RYR2: variants seen among roughly 807,000 people sequenced by gnomAD.
The protein encoded by RYR2 is cardiac muscle ryanodine receptor-calcium release channel.
RYR2 carries 227 observed loss-of-function variants against 601.1 expected under a neutral mutation model. The ratio of observed to expected loss-of-function variants is 0.38; its 90% CI spans 0.34 to 0.42. RYR2 has a LOEUF of 0.42. RYR2 is among the 10% of genes least tolerant of loss of function. The pLI is 1.00. For missense variants in RYR2, 4,646 were observed against 6,156.5 expected (o/e 0.75, Z 8.21); for synonymous variants, 2,223 against 2,175.1 (o/e 1.02, Z -0.61).
intron 91 of RYR2, among the ~76,000 whole-genome samples, chr1:237,787,381 A>C (rs1657722895): frequency 6.6e-6 from 1 of 151,988 alleles, no homozygotes; most frequent in Non-Finnish European, 1.5e-5. Context: ...TAAGGTCAGG[A>C]GTTCAAGACC....
chr1:237,463,982 C>T (rs1659768045), intron 16 of RYR2, among the ~76,000 whole-genome samples: 1 of 152,200 alleles, frequency 6.6e-6, no homozygotes, highest in Non-Finnish European at 1.5e-5. Context: ...GCAGAAACTA[C>T]TCTTAAACTT....
intron 25 of RYR2, among the ~76,000 whole-genome samples, chr1:237,540,818 G>T (rs1309092775): frequency 6.6e-6 from 1 of 151,766 alleles, no homozygotes; most frequent in Non-Finnish European, 1.5e-5. Context: ...ATGCTGTGAA[G>T]CTACTACATG....
intron 33 of RYR2, 134 bp downstream of exon 33, chr1:237,593,770 A>C: frequency 6.4e-6 from 6 of 934,428 alleles, no homozygotes; most frequent in Non-Finnish European, 9.5e-6. Context: ...CATTAATGTC[A>C]ATGTCGTTTT....
intron 5 of RYR2, among the ~76,000 whole-genome samples, chr1:237,367,626 T>G (rs2149744367): frequency 6.6e-6 from 1 of 152,320 alleles, no homozygotes; most frequent in Non-Finnish European, 1.5e-5. Flanking sequence ...TTCTGAAAAT[T>G]TTTAAAGACC....
intron 2 of RYR2, among the ~76,000 whole-genome samples, chr1:237,323,909 C>A (rs41379346): frequency 0.032 from 4,908 of 152,182 alleles, 177 homozygotes; most frequent in African/African-American, 0.086. Context: ...AAAAGCTGAC[C>A]TGAACGAATG....
At chr1:237,680,358 G>A in intron 61 of RYR2, 98 bp from the exon 62 acceptor site, 2 of 919,692 alleles carry the variant, frequency 2.2e-6, no homozygotes, top group South Asian at 1.6e-5. Flanking sequence ...GAGACCTGTT[G>A]CATGTGAACA....
chr1:237,655,721 A>C (rs903152179), intron 52 of RYR2, 100 bp from the exon 53 acceptor site: 33 of 1,062,348 alleles, frequency 3.1e-5, no homozygotes, highest in Admixed American at 5.7e-5. Flanking sequence ...AGTCCAGGGT[A>C]ATTCAGATTT....
At chr1:237,390,964 C>T (rs930499257) in intron 10 of RYR2, among the ~76,000 whole-genome samples, 1 of 151,710 alleles carries the variant, frequency 6.6e-6, no homozygotes, top group Non-Finnish European at 1.5e-5. Flanking sequence ...GATTATGACT[C>T]GAGGGAGAAA....
At chr1:237,134,288 T>A (rs575933385) in intron 1 of RYR2, among the ~76,000 whole-genome samples, 1 of 152,120 alleles carries the variant, frequency 6.6e-6, no homozygotes, top group Admixed American at 6.5e-5. Context: ...TTATTTTTTT[T>A]AATCAGTGTA....
At chr1:237,603,022 G>T (rs1676682493) in intron 35 of RYR2, among the ~76,000 whole-genome samples, 1 of 152,130 alleles carries the variant, frequency 6.6e-6, no homozygotes, top group South Asian at 2.1e-4. Flanking sequence ...GAAGGCCCGT[G>T]GTGGGTGATG....
intron 92 of RYR2, among the ~76,000 whole-genome samples, chr1:237,790,612 A>C (rs1258695114): frequency 1.3e-5 from 2 of 152,102 alleles, no homozygotes; most frequent in African/African-American, 2.4e-5. Context: ...TCAACATAAT[A>C]ATTATATTAA....
chr1:237,721,731 G>T lies in RYR2; in HGVS notation c.10555-1397G>T, dbSNP rs562094675. On this transcript the variant is annotated intron_variant, in intron 73 of 104. Transcript: ENST00000366574. ...GAAGAGGTTTCACCATGTTGGCCAG[G>T]CTGGTCTCAAACTCCTGACCTCAAG... Among the ~76,000 whole-genome samples, 20 of 152,238 alleles carry T rather than the reference G, an allele frequency of 1.3e-4. No homozygotes were observed. In the East Asian group the frequency reaches 2.7e-3, roughly 21 times the overall value.
chr1:237,277,642 C>T (rs1387302734), intron 2 of RYR2, among the ~76,000 whole-genome samples: 1 of 152,058 alleles, frequency 6.6e-6, no homozygotes, highest in African/African-American at 2.4e-5. Context: ...CTCTAAAGAC[C>T]AGACCCTGTC....
intron 10 of RYR2, among the ~76,000 whole-genome samples, chr1:237,415,409 G>A (rs772248370): frequency 1.3e-5 from 2 of 152,172 alleles, no homozygotes; most frequent in Non-Finnish European, 2.9e-5. Context: ...GGATTAGGGT[G>A]ATCCCAAACT....
At chr1:237,685,775 A>C (rs1047765812) in intron 62 of RYR2, among the ~76,000 whole-genome samples, 3 of 152,230 alleles carry the variant, frequency 2.0e-5, no homozygotes, top group Non-Finnish European at 4.4e-5. Context: ...AAGATAAATA[A>C]GGCAGGTCAA....
At chr1:237,640,282 C>T (rs1019935881) in intron 46 of RYR2, among the ~76,000 whole-genome samples, 2 of 152,166 alleles carry the variant, frequency 1.3e-5, no homozygotes, top group Non-Finnish European at 2.9e-5. Flanking sequence ...ATGTGAGCCT[C>T]TAGGGCCATC....
At chr1:237,100,257 A>G (rs1460854914) in intron 1 of RYR2, among the ~76,000 whole-genome samples, 1 of 152,164 alleles carries the variant, frequency 6.6e-6, no homozygotes, top group Middle Eastern at 3.2e-3. Context: ...CCTACACATT[A>G]TTTACTAAGT....
intron 1 of RYR2, among the ~76,000 whole-genome samples, chr1:237,135,010 G>A (rs369598365): frequency 6.6e-6 from 1 of 152,158 alleles, no homozygotes; most frequent in South Asian, 2.1e-4. Flanking sequence ...CTGATAACTC[G>A]AAAATGCAGC....
chr1:237,274,049 A>C (rs1025996360), intron 2 of RYR2, among the ~76,000 whole-genome samples: 2 of 146,830 alleles, frequency 1.4e-5, no homozygotes, highest in African/African-American at 5.0e-5. Flanking sequence ...AATATTTATA[A>C]TATATTATAA....
Sources: allele counts gnomAD v4.1 joint callset (sites outside exome capture counted in the v4.1 genomes callset), GRCh38; gene constraint gnomAD v4.1.1; transcripts MANE v1.5; gene names NCBI Gene and HGNC (gene_info 2026-07-23, HGNC 2026-07-21).